Variants in ASPRV1 observed in about 807,000 individuals in gnomAD.
The protein encoded by ASPRV1 is aspartic peptidase retroviral like 1, also known as retroviral-like aspartic protease 1.
Under a neutral mutation model 11.0 loss-of-function variants are expected in ASPRV1, and 7 were observed. That is an observed-to-expected ratio of 0.64 (90% confidence interval 0.36 to 1.20). ASPRV1 has a LOEUF of 1.20. Ranked by LOEUF, ASPRV1 falls within the 50% of genes most tolerant of loss-of-function variation. The pLI is 0.02. For missense variants in ASPRV1, 299 were observed against 320.0 expected (o/e 0.93, Z 0.50); for synonymous variants, 136 against 138.4 (o/e 0.98, Z 0.12).
At chr2:70,079,762 C>A in the ASPRV1 span, among the ~76,000 whole-genome samples, 1 of 152,182 alleles carries the variant, frequency 6.6e-6, no homozygotes, top group Non-Finnish European at 1.5e-5. Context: ...CCTGTTCTTT[C>A]CTATTCCACG....
At chr2:69,964,947 A>C (rs531156472), upstream of ASPRV1, among the ~76,000 whole-genome samples, 1 of 152,230 alleles carries the variant, frequency 6.6e-6, no homozygotes, top group East Asian at 1.9e-4. Flanking sequence ...AATCAAGACA[A>C]GCCCAAGACT....
the ASPRV1 span, among the ~76,000 whole-genome samples, chr2:70,002,732 CCATCTA>C: frequency 1.1e-4 from 16 of 152,226 alleles, no homozygotes; most frequent in African/African-American, 3.1e-4. Flanking sequence ...CACTTCCCCT[CCATCTA>C]CAACTTCACA....
chr2:69,974,642 CTG>C, the ASPRV1 span, among the ~76,000 whole-genome samples: 1 of 152,214 alleles, frequency 6.6e-6, no homozygotes, highest in Non-Finnish European at 1.5e-5. Flanking sequence ...ATCAGCGAAA[CTG>C]AACTCATTTT....
chr2:69,949,759 A>G, the ASPRV1 span, among the ~76,000 whole-genome samples: 1 of 151,840 alleles, frequency 6.6e-6, no homozygotes, highest in Non-Finnish European at 1.5e-5. Context: ...TTAGTTAACT[A>G]TTTTCATTCT....
chr2:70,053,265 G>A, the ASPRV1 span, among the ~76,000 whole-genome samples: 1 of 152,030 alleles, frequency 6.6e-6, no homozygotes, highest in Non-Finnish European at 1.5e-5. Flanking sequence ...TGTAAGAGCA[G>A]ACTACACTTC....
chr2:69,933,211 A>C, the ASPRV1 span, among the ~76,000 whole-genome samples: 8 of 146,474 alleles, frequency 5.5e-5, no homozygotes, highest in South Asian at 8.9e-4. Flanking sequence ...AAAAAAAAAA[A>C]AAAAAAAAAA....
At chr2:70,020,750 T>C in the ASPRV1 span, among the ~76,000 whole-genome samples, 1 of 151,514 alleles carries the variant, frequency 6.6e-6, no homozygotes, top group East Asian at 1.9e-4. Flanking sequence ...TTGTGCAGAG[T>C]GATGTAAGCC....
the ASPRV1 span, among the ~76,000 whole-genome samples, chr2:69,948,844 T>TCC: frequency 1.3e-4 from 20 of 151,732 alleles, no homozygotes; most frequent in African/African-American, 4.4e-4. Context: ...CACTCAGGCC[T>TCC]CCCCCGCGGC....
At chr2:70,016,862 G>GA in the ASPRV1 span, among the ~76,000 whole-genome samples, 9,214 of 141,626 alleles carry the variant, frequency 0.065, 965 homozygotes, top group African/African-American at 0.22. Flanking sequence ...CACCAAGGGA[G>GA]AAAAAAAAAA....
the ASPRV1 span, chr2:70,059,521 T>C: frequency 3.9e-5 from 6 of 152,232 alleles, no homozygotes; most frequent in African/African-American, 1.2e-4. Flanking sequence ...TGAAAGACAA[T>C]TTTTCCATGG....
At chr2:69,991,787 C>G in the ASPRV1 span, among the ~76,000 whole-genome samples, 1 of 152,186 alleles carries the variant, frequency 6.6e-6, no homozygotes, top group Admixed American at 6.5e-5. Context: ...CTCAGGCAAT[C>G]CGCCCACCTC....
At chr2:69,954,587 C>T in the ASPRV1 span, among the ~76,000 whole-genome samples, 1 of 152,176 alleles carries the variant, frequency 6.6e-6, no homozygotes, top group Non-Finnish European at 1.5e-5. Context: ...TCCATGCTGG[C>T]CCCCGTCTTC....
the ASPRV1 span, among the ~76,000 whole-genome samples, chr2:70,061,560 G>T: frequency 6.6e-6 from 1 of 152,258 alleles, no homozygotes; most frequent in Non-Finnish European, 1.5e-5. Context: ...GCCAGCAGTA[G>T]GGAAGAAGGG....
downstream of ASPRV1, among the ~76,000 whole-genome samples, chr2:69,956,432 AAGAAGG>A (rs1350106545): frequency 6.7e-6 from 1 of 150,272 alleles, no homozygotes; most frequent in East Asian, 1.9e-4. Flanking sequence ...AAGAAGAAAG[AAGAAGG>A]AGAAGGAGAA....
Position 69,961,017 on chromosome 2 carries a change from C to T in ASPRV1, c.420G>A (p.Leu140=). ...GAQVSVVHPN[L]WEEVTDGDLD... is the part of the protein sequence containing the mutation. The stretch of plus-strand genomic sequence containing the variant: ...GATCGCCATCAGTGACCTCCTCCCA[C>T]AAGTTTGGGTGGACCACAGAGACCT... Residue 140 remains leucine, a synonymous_variant, in exon 1 of 1, where the codon TTG becomes TTA. Coordinates refer to ENST00000320256, the MANE Select transcript of ASPRV1 (RefSeq NM_152792.4). 6.2e-7 allele frequency: 1 copy of T among 1,614,120 alleles called. No homozygotes were observed. Among genetic ancestry groups the T allele is most frequent in the Non-Finnish European group, 8.5e-7 (1 of 1,180,010 alleles).
rs1678051211 is a variant in ASPRV1, at chr2:69,960,592, G to A, written c.*65C>T. 1 of 1,495,106 alleles carries A rather than the reference G, an allele frequency of 6.7e-7. No individual in the cohort carries two copies. Among genetic ancestry groups the A allele is most frequent in the Non-Finnish European group, 9.0e-7 (1 of 1,112,668 alleles). The allele number at this position is 1,495,106 out of a possible 1,614,324, so 92.6% of individuals were successfully genotyped here. A position where few individuals can be genotyped will look rare whatever the true frequency, so the allele number is the denominator to read the frequency against. On this transcript the variant is annotated 3_prime_UTR_variant, in exon 1 of 1. Coordinates refer to ENST00000320256, the MANE Select transcript of ASPRV1 (RefSeq NM_152792.4). Reference sequence around the variant, plus strand: ...AGCCCAGTGACCCCCATGAGGATATGCAACCCCCCCCACAGCGGTGGGTCT... The same window carrying A: ...AGCCCAGTGACCCCCATGAGGATATACAACCCCCCCCACAGCGGTGGGTCT...
At chr2:69,939,934 G>C in the ASPRV1 span, 1 of 152,386 alleles carries the variant, frequency 6.6e-6, no homozygotes. Context: ...CCACACGGAA[G>C]CTCATTCTAT....
the ASPRV1 span, among the ~76,000 whole-genome samples, chr2:70,082,194 A>T: frequency 6.6e-6 from 1 of 151,742 alleles, no homozygotes. Context: ...CATGTTGGTC[A>T]GGCTGGTCTC....
the ASPRV1 span, among the ~76,000 whole-genome samples, chr2:69,950,824 C>G: frequency 1.3e-5 from 2 of 149,620 alleles, no homozygotes; most frequent in Admixed American, 1.3e-4. Context: ...GCATGGGCAA[C>G]AGAGTGGGAC....
Sources: gnomAD v4.1 joint callset for allele counts (sites outside exome capture counted in the v4.1 genomes callset) on GRCh38, gnomAD v4.1.1 for gene constraint, MANE v1.5 for transcripts, NCBI Gene and HGNC (gene_info 2026-07-23, HGNC 2026-07-21) for gene names.